ZNF37A: variants seen among roughly 807,000 people sequenced by gnomAD.
The protein encoded by ZNF37A is zinc finger protein 37A, also known as zinc finger protein 37a (KOX 21).
A neutral mutation model predicts 12.3 loss-of-function variants in ZNF37A; 10 were observed. The ratio of observed to expected loss-of-function variants is 0.82; its 90% CI spans 0.50 to 1.38. ZNF37A has a LOEUF of 1.38. Among genes scored for constraint, ZNF37A ranks in the 40% most tolerant of loss-of-function variants. ZNF37A has a pLI of 0.00. For synonymous variants in ZNF37A, 207 were observed against 223.0 expected, an observed-to-expected ratio of 0.93 and a Z score of 0.64; for missense variants, 580 against 651.2, an observed-to-expected ratio of 0.89 and a Z score of 1.19.
chr10:38,148,008 T>A (rs559473489), exon 8 of ZNF37A: 2 of 152,350 alleles, frequency 1.3e-5, no homozygotes, highest in East Asian at 3.9e-4. Context: ...ATCTGTCATG[T>A]CACATTTTAT....
chr10:38,128,357 G>T (rs1201487459), downstream of ZNF37A, among the ~76,000 whole-genome samples: 1 of 152,062 alleles, frequency 6.6e-6, no homozygotes. Context: ...TGCAGTGGGA[G>T]AAATTAAGTA....
chr10:38,099,212 C>T (rs1262968053), intron 5 of ZNF37A, among the ~76,000 whole-genome samples: 1 of 152,144 alleles, frequency 6.6e-6, no homozygotes, highest in Non-Finnish European at 1.5e-5. Context: ...TCATATCGTA[C>T]ATATAATCTC....
intron 7 of ZNF37A, among the ~76,000 whole-genome samples, chr10:38,134,987 C>T (rs535611360): frequency 6.2e-4 from 95 of 152,284 alleles, no homozygotes; most frequent in East Asian, 2.9e-3. Flanking sequence ...CTTACTTATA[C>T]GTATATTCTT....
At chr10:38,129,319 A>AAAAAAAAAAAAAAAAAAACAACAACAAC, downstream of ZNF37A, among the ~76,000 whole-genome samples, 3 of 116,226 alleles carry the variant, frequency 2.6e-5, no homozygotes, top group Admixed American at 8.1e-5. Flanking sequence ...AAAAAAAAAA[A>AAAAAAAAAAAAAAAAAAACAACAACAAC]AAACTATTAT....
At chr10:38,099,764 T>C (rs1306374863) in intron 5 of ZNF37A, among the ~76,000 whole-genome samples, 2 of 152,232 alleles carry the variant, frequency 1.3e-5, no homozygotes, top group African/African-American at 4.8e-5. Flanking sequence ...GATTTCTCCA[T>C]ATCCTTGCCA....
chr10:38,148,446 C>T (rs2070281965), exon 8 of ZNF37A: 1 of 152,186 alleles, frequency 6.6e-6, no homozygotes, highest in Admixed American at 6.5e-5. Context: ...CTGGTGTGGC[C>T]ATTGAGATGC....
intron 7 of ZNF37A, among the ~76,000 whole-genome samples, chr10:38,135,071 A>G (rs1212473507): frequency 2.6e-5 from 4 of 152,220 alleles, no homozygotes; most frequent in African/African-American, 9.6e-5. Context: ...ATTTGAATGG[A>G]TACCACTTAA....
chr10:38,103,670 G>T (rs1308524090), intron 5 of ZNF37A, among the ~76,000 whole-genome samples: 1 of 152,082 alleles, frequency 6.6e-6, no homozygotes, highest in Non-Finnish European at 1.5e-5. Context: ...CTAGAAATCA[G>T]ATTCTTTTCC....
chr10:38,134,486 T>C (rs551228073), intron 7 of ZNF37A, among the ~76,000 whole-genome samples: 4 of 152,224 alleles, frequency 2.6e-5, no homozygotes, highest in East Asian at 1.9e-4. Flanking sequence ...TGGATGTCCT[T>C]TCTGTTTGCT....
Position 38,095,165 on chromosome 10 carries a change from T to A in ZNF37A, c.-257T>A, listed in dbSNP as rs957415807. 3 of 152,284 alleles carry A rather than the reference T, an allele frequency of 2.0e-5. No individual in the cohort carries two copies. Among genetic ancestry groups the A allele is most frequent in the African/African-American group, 7.2e-5 (3 of 41,412 alleles). The allele number at this position is 152,284 out of a possible 1,614,324, so 9.4% of individuals were successfully genotyped here. A position where few individuals can be genotyped will look rare whatever the true frequency, so the allele number is the denominator to read the frequency against. On this transcript the variant is annotated 5_prime_UTR_variant, in exon 2 of 8. The change abolishes an upstream ATG in the 5' untranslated region. Transcript: ENST00000685332. ...AGATGTAGGAGCTTTCTGTCTTGAA[T>A]GAGGATTCGAACCAAAGGGCTTAGG...
At chr10:38,141,004 T>C (rs1293728220) in intron 7 of ZNF37A, 7 of 152,212 alleles carry the variant, frequency 4.6e-5, no homozygotes, top group African/African-American at 1.2e-4. Context: ...GCAAAGAAAA[T>C]CACCATTAGA....
At chr10:38,132,079 C>T (rs1218437070) in intron 7 of ZNF37A, among the ~76,000 whole-genome samples, 1 of 151,992 alleles carries the variant, frequency 6.6e-6, no homozygotes, top group Non-Finnish European at 1.5e-5. Context: ...GATATTTTTA[C>T]CTCTTTCTTT....
At chr10:38,104,190 ATAATTGCCTT>A (rs2067833389) in intron 5 of ZNF37A, among the ~76,000 whole-genome samples, 1 of 152,118 alleles carries the variant, frequency 6.6e-6, no homozygotes, top group Non-Finnish European at 1.5e-5. Flanking sequence ...CTGTGGCCAG[ATAATTGCCTT>A]TAAATGCTTT....
chr10:38,107,446 A>T (rs2135940361), intron 5 of ZNF37A, among the ~76,000 whole-genome samples: 1 of 152,338 alleles, frequency 6.6e-6, no homozygotes, highest in Admixed American at 6.5e-5. Flanking sequence ...AACTGCATCA[A>T]CTAATGGGCA....
Position 38,118,112 on chromosome 10 carries a change from C to A in ZNF37A, c.961C>A (p.His321Asn). The change falls in exon 8 of 8, where the codon CAT (histidine) becomes AAT (asparagine). Residue 321 changes from histidine to asparagine, a missense_variant. By Grantham distance (68) the His-to-Asn change is moderately conservative. Coordinates refer to ENST00000685332, the MANE Select transcript of ZNF37A (RefSeq NM_001324250.3). ...NSDLIKHQRI[H>N]TGERPYGCHE... ...AGACCTCATTAAACATCAAAGAATT[C>A]ATACAGGGGAGAGACCTTATGGATG... is the stretch of plus-strand genomic sequence containing the variant. 6.2e-7 allele frequency: 1 copy of A among 1,613,646 alleles called. No homozygotes were observed. The highest frequency in any genetic ancestry group is 1.1e-5 in the South Asian group (1 of 91,024).
exon 8 of ZNF37A, chr10:38,146,809 G>A (rs903177423): frequency 1.2e-4 from 49 of 398,254 alleles, no homozygotes; most frequent in Middle Eastern, 1.2e-3. Flanking sequence ...GACTCCAACC[G>A]AGCGGCACTA....
At chr10:38,116,353 T>C (rs1240076437) in intron 7 of ZNF37A, among the ~76,000 whole-genome samples, 1 of 152,214 alleles carries the variant, frequency 6.6e-6, no homozygotes, top group Non-Finnish European at 1.5e-5. Context: ...CCAGCTGATG[T>C]TTGTGCTTAA....
downstream of ZNF37A, among the ~76,000 whole-genome samples, chr10:38,129,316 A>AAAACAAAAAAAAC (rs1554785446): frequency 7.0e-6 from 1 of 142,430 alleles, no homozygotes; most frequent in Admixed American, 7.0e-5. Context: ...AAAAAAAAAA[A>AAAACAAAAAAAAC]AAAAAACTAT....
intron 5 of ZNF37A, 148 bp downstream of exon 5, chr10:38,096,780 C>A: frequency 1.4e-6 from 1 of 696,722 alleles, no homozygotes. Context: ...TGCAGCCTGC[C>A]GCATGTTTTT....
Sources: gnomAD v4.1 joint callset for allele counts (sites outside exome capture counted in the v4.1 genomes callset) on GRCh38, gnomAD v4.1.1 for gene constraint, MANE v1.5 for transcripts, NCBI Gene and HGNC (gene_info 2026-07-23, HGNC 2026-07-21) for gene names.